Variants in ACOT1 observed in about 807,000 individuals in gnomAD.
ACOT1 encodes the protein acyl-CoA thioesterase 1.
A neutral mutation model predicts 15.7 loss-of-function variants in ACOT1; 8 were observed. That is an observed-to-expected ratio of 0.51 (90% CI 0.30 to 0.92). The LOEUF (loss-of-function observed/expected upper bound fraction) is 0.92, where lower values mean the gene tolerates loss of function less well. Among genes scored for constraint, ACOT1 ranks in the 40% least tolerant of loss-of-function variants. The probability of loss-of-function intolerance (pLI) is 0.06; values close to 1 mark genes in which losing one functional copy is unlikely to be tolerated. For missense variants in ACOT1, 151 were observed against 539.4 expected (o/e 0.28, Z 7.13); for synonymous variants, 67 against 241.2 (o/e 0.28, Z 6.69).
chr14:73,528,218 A>C, the ACOT1 span, among the ~76,000 whole-genome samples: 6 of 152,060 alleles, frequency 3.9e-5, no homozygotes, highest in African/African-American at 1.4e-4. Context: ...AACATGGCGA[A>C]GCCCCATCTC....
At chr14:73,518,917 T>C in the ACOT1 span, 4 of 1,138,552 alleles carry the variant, frequency 3.5e-6, no homozygotes, top group Non-Finnish European at 5.0e-6. Context: ...CTAATGGTGC[T>C]TCAGCCCATG....
chr14:73,525,888 G>C, the ACOT1 span, among the ~76,000 whole-genome samples: 3 of 151,956 alleles, frequency 2.0e-5, no homozygotes, highest in South Asian at 2.1e-4. Flanking sequence ...GGGAAGCAGA[G>C]GTTGCAGTGA....
the ACOT1 span, among the ~76,000 whole-genome samples, chr14:73,517,686 A>G: frequency 6.8e-6 from 1 of 146,730 alleles, no homozygotes; most frequent in East Asian, 2.0e-4. Flanking sequence ...AAAAAAGAAG[A>G]AGAAAAGAGA....
chr14:73,498,215 TC>T, the ACOT1 span: 17 of 1,614,080 alleles, frequency 1.1e-5, no homozygotes, highest in Non-Finnish European at 1.4e-5. Context: ...CCTGACCCGG[TC>T]CCCTTGAAGT....
the ACOT1 span, chr14:73,503,160 A>G: frequency 9.2e-6 from 6 of 654,898 alleles, no homozygotes; most frequent in African/African-American, 5.4e-5. Flanking sequence ...TACTCTCCCA[A>G]AGAATCCAGT....
chr14:73,509,905 G>A, the ACOT1 span, among the ~76,000 whole-genome samples: 5,955 of 131,674 alleles, frequency 0.045, 217 homozygotes, highest in Non-Finnish European at 0.07. Context: ...ACGGAGTCTT[G>A]TTCTGTCACC....
At chr14:73,529,989 G>A in the ACOT1 span, among the ~76,000 whole-genome samples, 1 of 140,508 alleles carries the variant, frequency 7.1e-6, no homozygotes, top group Non-Finnish European at 1.5e-5. Context: ...TTTGAGACAG[G>A]GCCTCACTCT....
the ACOT1 span, among the ~76,000 whole-genome samples, chr14:73,494,309 A>G: frequency 4.6e-5 from 7 of 152,182 alleles, 1 homozygote; most frequent in South Asian, 1.4e-3. Context: ...GGCTGATGCT[A>G]CGCTCAGGCA....
At chr14:73,523,284 T>C in the ACOT1 span, 9 of 826,362 alleles carry the variant, frequency 1.1e-5, no homozygotes, top group Non-Finnish European at 1.6e-5. Flanking sequence ...TGGTAGCCCA[T>C]AGCAGTTCAG....
chr14:73,496,869 A>C, the ACOT1 span, among the ~76,000 whole-genome samples: 2 of 152,110 alleles, frequency 1.3e-5, no homozygotes, highest in Non-Finnish European at 2.9e-5. Context: ...TTTTTGAGAC[A>C]ATATATTTGT....
chr14:73,541,954 C>A (rs1305882540), intron 2 of ACOT1, among the ~76,000 whole-genome samples: 2 of 112,730 alleles, frequency 1.8e-5, no homozygotes, highest in Admixed American at 1.0e-4. Flanking sequence ...CTCCCAAGTT[C>A]AAGTGATTCT....
At chr14:73,523,333 G>A in the ACOT1 span, 2 of 586,602 alleles carry the variant, frequency 3.4e-6, no homozygotes, top group Admixed American at 3.1e-5. Context: ...AAGGGGGTGG[G>A]GAAGAGCCAT....
chr14:73,525,953 TAA>T, the ACOT1 span, among the ~76,000 whole-genome samples: 97,196 of 144,504 alleles, frequency 0.67, 32,713 homozygotes, highest in East Asian at 0.79. Flanking sequence ...ACTCCTTATT[TAA>T]AAAAAAAAAA....
chr14:73,505,044 G>A, the ACOT1 span, among the ~76,000 whole-genome samples: 1 of 151,926 alleles, frequency 6.6e-6, no homozygotes, highest in Non-Finnish European at 1.5e-5. Flanking sequence ...CGATTCTCCT[G>A]CCTCAGCCTC....
chr14:73,490,941 C>G, the ACOT1 span: 1 of 1,279,176 alleles, frequency 7.8e-7, no homozygotes, highest in Non-Finnish European at 9.9e-7. Context: ...CCAGAGTGCA[C>G]CGCAGCCGCT....
Position 73,541,669 on chromosome 14 carries a change from G to C in ACOT1, c.634G>C (p.Val212Leu). The C allele has an allele frequency of 8.0e-7, 1 of 1,242,856 alleles. No individual in the cohort carries two copies. The highest frequency in any genetic ancestry group is 1.4e-5 in the South Asian group (1 of 72,870). 77.0% of individuals were successfully genotyped at this position (1,242,856 alleles called of 1,614,324 possible). ...TLHLEYFEEA[V>L]NYLLSHPEVK... ...CCATCTGGAGTACTTTGAAGAAGCT[G>C]TGAACTACTTGCTCAGTCATCCTGA... Residue 212 changes from valine to leucine, a missense_variant, in exon 2 of 3, where the codon GTG becomes CTG. Val to Leu is a conservative substitution (Grantham distance 32). Coordinates refer to ENST00000311148, the MANE Select transcript of ACOT1 (RefSeq NM_001037161.2).
the ACOT1 span, chr14:73,496,619 A>G: frequency 1.2e-6 from 2 of 1,602,860 alleles, no homozygotes; most frequent in South Asian, 1.1e-5. Flanking sequence ...TGATCTCCTG[A>G]AGCATTTCTT....
the ACOT1 span, chr14:73,514,307 C>T: frequency 8.1e-6 from 11 of 1,360,748 alleles, no homozygotes; most frequent in African/African-American, 1.0e-4. Flanking sequence ...CCCCAGCTTG[C>T]ATCCCATTCC....
chr14:73,497,610 T>C, the ACOT1 span, among the ~76,000 whole-genome samples: 3 of 152,162 alleles, frequency 2.0e-5, no homozygotes, highest in Admixed American at 1.3e-4. Flanking sequence ...TAGTTGAATA[T>C]ATGAATAACT....
Sources: allele counts gnomAD v4.1 joint callset (sites outside exome capture counted in the v4.1 genomes callset), GRCh38; gene constraint gnomAD v4.1.1; transcripts MANE v1.5; gene names NCBI Gene and HGNC (gene_info 2026-07-23, HGNC 2026-07-21).